Variants in ZNRF2 observed in about 807,000 individuals in gnomAD.
The protein encoded by ZNRF2 is zinc and ring finger 2, also known as E3 ubiquitin-protein ligase ZNRF2.
Under a neutral mutation model 20.4 loss-of-function variants are expected in ZNRF2, and 16 were observed. That is an observed-to-expected ratio of 0.79 (90% confidence interval 0.53 to 1.19). ZNRF2 has a LOEUF of 1.19. Among genes scored for constraint, ZNRF2 ranks in the 50% most tolerant of loss-of-function variants. The pLI is 0.00. For missense variants in ZNRF2, 363 were observed against 332.4 expected (o/e 1.09, Z -0.72); for synonymous variants, 178 against 144.9 (o/e 1.23, Z -1.64).
intron 2 of ZNRF2, among the ~76,000 whole-genome samples, chr7:30,325,487 G>A (rs777206519): frequency 6.6e-6 from 1 of 152,184 alleles, no homozygotes; most frequent in East Asian, 1.9e-4. Context: ...AAATAAAAAG[G>A]TTCTATGAAA....
intron 1 of ZNRF2, among the ~76,000 whole-genome samples, chr7:30,295,624 C>T (rs1336532595): frequency 3.9e-5 from 6 of 152,144 alleles, no homozygotes; most frequent in Non-Finnish European, 7.4e-5. Context: ...GCAGGAGGAT[C>T]GCTTGAACCC....
intron 1 of ZNRF2, among the ~76,000 whole-genome samples, chr7:30,308,279 C>G (rs559709299): frequency 2.2e-4 from 34 of 152,212 alleles, no homozygotes; most frequent in African/African-American, 8.2e-4. Context: ...ATTTTTCATT[C>G]TGTAAATACA....
At chr7:30,345,057 A>AT (rs768344805) in intron 2 of ZNRF2, among the ~76,000 whole-genome samples, 1 of 151,964 alleles carries the variant, frequency 6.6e-6, no homozygotes. Flanking sequence ...AATTGTGTTG[A>AT]TTTTTTCTGG....
At chr7:30,286,042 C>T (rs1395632877) in intron 1 of ZNRF2, among the ~76,000 whole-genome samples, 2 of 152,226 alleles carry the variant, frequency 1.3e-5, no homozygotes, top group African/African-American at 4.8e-5. Flanking sequence ...TGTTTTTAAA[C>T]ATCCTGAGCA....
intron 3 of ZNRF2, 96 bp downstream of exon 3, chr7:30,355,929 C>A: frequency 1.3e-6 from 1 of 795,372 alleles, no homozygotes; most frequent in African/African-American, 1.7e-5. Flanking sequence ...GAAACCACCC[C>A]CTCCCTGTCT....
chr7:30,335,895 G>C (rs1799710165), intron 2 of ZNRF2, among the ~76,000 whole-genome samples: 1 of 152,060 alleles, frequency 6.6e-6, no homozygotes, highest in Non-Finnish European at 1.5e-5. Context: ...TGTTGGAAGG[G>C]GGGAAAGAGG....
At chr7:30,358,212 AG>A (rs1800070462) in intron 3 of ZNRF2, among the ~76,000 whole-genome samples, 1 of 152,222 alleles carries the variant, frequency 6.6e-6, no homozygotes, top group African/African-American at 2.4e-5. Context: ...GTGAGAGTTC[AG>A]CAGGGTTGCC....
chr7:30,291,640 T>C (rs1192616820), intron 1 of ZNRF2, among the ~76,000 whole-genome samples: 2 of 152,144 alleles, frequency 1.3e-5, no homozygotes, highest in African/African-American at 2.4e-5. Flanking sequence ...TTTTAGGAAA[T>C]GATAATGAGT....
chr7:30,313,586 A>T (rs1349425444), intron 1 of ZNRF2, among the ~76,000 whole-genome samples: 2 of 152,152 alleles, frequency 1.3e-5, no homozygotes, highest in African/African-American at 4.8e-5. Flanking sequence ...AAACAAACAA[A>T]TAGACTGTAA....
At chr7:30,313,716 T>C (rs1388058734) in intron 1 of ZNRF2, among the ~76,000 whole-genome samples, 1 of 152,070 alleles carries the variant, frequency 6.6e-6, no homozygotes, top group East Asian at 1.9e-4. Context: ...TCCTATTCTG[T>C]AGTGAGCTTG....
chr7:30,362,807 C>T (rs1425069321), intron 4 of ZNRF2, among the ~76,000 whole-genome samples: 4 of 151,764 alleles, frequency 2.6e-5, no homozygotes, highest in Non-Finnish European at 5.9e-5. Context: ...CCGAGCTACT[C>T]GGGAGGCTGA....
chr7:30,306,345 C>T (rs879493287), intron 1 of ZNRF2, among the ~76,000 whole-genome samples: 1 of 151,768 alleles, frequency 6.6e-6, no homozygotes, highest in Non-Finnish European at 1.5e-5. Flanking sequence ...AATAAATTCT[C>T]CTATCTGCAA....
At chr7:30,348,092 G>A (rs1417799855) in intron 2 of ZNRF2, among the ~76,000 whole-genome samples, 1 of 150,910 alleles carries the variant, frequency 6.6e-6, no homozygotes, top group Non-Finnish European at 1.5e-5. Flanking sequence ...GGTAAACTTG[G>A]CACATTTATA....
At chr7:30,341,556 C>G (rs1247735805) in intron 2 of ZNRF2, among the ~76,000 whole-genome samples, 4 of 151,734 alleles carry the variant, frequency 2.6e-5, no homozygotes, top group Non-Finnish European at 5.9e-5. Flanking sequence ...ATCCTGAGTT[C>G]TAATTTGATT....
At chr7:30,348,468 T>C (rs1799911851) in intron 2 of ZNRF2, among the ~76,000 whole-genome samples, 1 of 152,218 alleles carries the variant, frequency 6.6e-6, no homozygotes, top group Admixed American at 6.5e-5. Flanking sequence ...GTTTCTTTAA[T>C]ACAGAGGTGG....
At position 30,284,832 on chromosome 7, in the gene ZNRF2, TTAA is replaced by T. The variant is rs879930845; in HGVS notation, c.-522_-520del. The T allele has an allele frequency of 4.8e-6, 1 of 209,434 alleles. No individual in the cohort carries two copies. The highest frequency in any genetic ancestry group is 1.0e-5 in the Non-Finnish European group (1 of 98,228). 13.0% of individuals were successfully genotyped at this position (209,434 alleles called of 1,614,324 possible). ...GCCACCCGTTTTTCCTCTTTCTCCG[TTAA>T]TAACAGCTGGGTGGCTGGGGGAGGA... On this transcript the variant is annotated 5_prime_UTR_variant, in exon 1 of 5. Coordinates refer to ENST00000323037, the MANE Select transcript of ZNRF2 (RefSeq NM_147128.4).
intron 1 of ZNRF2, among the ~76,000 whole-genome samples, chr7:30,297,529 C>T (rs559339738): frequency 1.3e-5 from 2 of 152,078 alleles, no homozygotes; most frequent in African/African-American, 4.8e-5. Context: ...ATATAGAATT[C>T]TAGGTTGAAG....
intron 3 of ZNRF2, among the ~76,000 whole-genome samples, chr7:30,357,075 A>G (rs1369740017): frequency 1.3e-5 from 2 of 152,196 alleles, no homozygotes; most frequent in Non-Finnish European, 2.9e-5. Context: ...ACATTTCACT[A>G]CGCCTTTCAT....
intron 1 of ZNRF2, among the ~76,000 whole-genome samples, chr7:30,306,871 C>G (rs1226774532): frequency 6.6e-6 from 1 of 152,104 alleles, no homozygotes; most frequent in East Asian, 1.9e-4. Flanking sequence ...ACCCACCTCT[C>G]AATACTACTA....
Sources: allele counts gnomAD v4.1 joint callset (sites outside exome capture counted in the v4.1 genomes callset), GRCh38; gene constraint gnomAD v4.1.1; transcripts MANE v1.5; gene names NCBI Gene and HGNC (gene_info 2026-07-23, HGNC 2026-07-21).